The following SH3RF3 variants were observed in gnomAD, a reference collection of about 807,000 sequenced individuals.
The protein encoded by SH3RF3 is E3 ubiquitin-protein ligase SH3RF3.
SH3RF3 carries 29 observed loss-of-function variants against 66.3 expected under a neutral mutation model. That is an observed-to-expected ratio of 0.44 (90% CI 0.33 to 0.60). The LOEUF is 0.60. Ranked by LOEUF, SH3RF3 falls within the 20% of genes least tolerant of loss-of-function variation. SH3RF3 has a pLI of 0.04. For missense variants in SH3RF3, 1,194 were observed against 1,190.9 expected (o/e 1.00, Z -0.04); for synonymous variants, 583 against 532.0 (o/e 1.10, Z -1.32).
At chr2:109,247,206 G>C (rs897748283) in intron 1 of SH3RF3, among the ~76,000 whole-genome samples, 2 of 152,210 alleles carry the variant, frequency 1.3e-5, no homozygotes, top group Non-Finnish European at 2.9e-5. Context: ...AGAACAGAAT[G>C]AAGTCACACC....
chr2:109,174,175 C>T (rs1336791452), intron 1 of SH3RF3, among the ~76,000 whole-genome samples: 1 of 152,202 alleles, frequency 6.6e-6, no homozygotes, highest in Non-Finnish European at 1.5e-5. Context: ...TTGTGGAGTT[C>T]ATGAAGGTAG....
At chr2:109,131,522 A>G (rs1232878930) in intron 1 of SH3RF3, among the ~76,000 whole-genome samples, 1 of 152,176 alleles carries the variant, frequency 6.6e-6, no homozygotes, top group Admixed American at 6.5e-5. Flanking sequence ...CCCCGCTTCT[A>G]GTAAAACGCT....
intron 1 of SH3RF3, among the ~76,000 whole-genome samples, chr2:109,168,692 T>C (rs576746183): frequency 1.0e-3 from 155 of 152,236 alleles, no homozygotes; most frequent in African/African-American, 3.6e-3. Context: ...TTCCCTTCTC[T>C]TGGGTCTGTT....
intron 8 of SH3RF3, among the ~76,000 whole-genome samples, chr2:109,469,286 A>G (rs1008144834): frequency 6.6e-6 from 1 of 152,200 alleles, no homozygotes; most frequent in Admixed American, 6.5e-5. Context: ...CCCTAAAGAC[A>G]CCACCTCACT....
chr2:109,186,679 T>A (rs758352023), intron 1 of SH3RF3, among the ~76,000 whole-genome samples: 2 of 152,218 alleles, frequency 1.3e-5, no homozygotes, highest in Non-Finnish European at 2.9e-5. Context: ...AAATGCATCT[T>A]ACTAGCTTTT....
At position 109,504,421 on chromosome 2, in the gene SH3RF3, A is replaced by T. The variant is rs141812010; in HGVS notation, c.*2750A>T. The T allele has an allele frequency of 1.4e-4, 21 of 152,394 alleles. No individual in the cohort carries two copies. Among genetic ancestry groups the T allele is most frequent in the African/African-American group, 4.3e-4 (18 of 41,586 alleles). 9.4% of individuals were successfully genotyped at this position (152,394 alleles called of 1,614,324 possible). A position where few individuals can be genotyped will look rare whatever the true frequency, so the allele number is the denominator to read the frequency against. On this transcript the variant is annotated 3_prime_UTR_variant, in exon 10 of 10. Transcript: ENST00000309415. ...CCACGGGTGCTCTCCTGGCATCCTC[A>T]TGGGGTGATGCCAGGCCGGGCACTT...
chr2:109,321,584 G>A (rs1682027393), intron 1 of SH3RF3, among the ~76,000 whole-genome samples: 1 of 152,218 alleles, frequency 6.6e-6, no homozygotes, highest in South Asian at 2.1e-4. Flanking sequence ...CAGGAGATGA[G>A]ACAATCAATA....
chr2:109,134,431 G>C (rs1331028653), intron 1 of SH3RF3, among the ~76,000 whole-genome samples: 2 of 152,180 alleles, frequency 1.3e-5, no homozygotes. Context: ...GTCCTGTTCA[G>C]AAGGCCCCTG....
chr2:109,222,490 C>G (rs1335646058), intron 1 of SH3RF3, among the ~76,000 whole-genome samples: 1 of 143,228 alleles, frequency 7.0e-6, no homozygotes, highest in African/African-American at 2.9e-5. Context: ...AAAGTTCCTC[C>G]AAAAAAATAA....
chr2:109,361,202 T>C (rs1027823355), intron 2 of SH3RF3, among the ~76,000 whole-genome samples: 5 of 152,238 alleles, frequency 3.3e-5, no homozygotes, highest in Non-Finnish European at 5.9e-5. Flanking sequence ...ATAATTCTTT[T>C]TATACCTTGT....
intron 9 of SH3RF3, among the ~76,000 whole-genome samples, chr2:109,497,680 A>C (rs540237087): frequency 1.2e-4 from 18 of 152,210 alleles, no homozygotes; most frequent in Non-Finnish European, 2.5e-4. Flanking sequence ...AGAACAGCTC[A>C]GAGTCTTGGA....
chr2:109,485,778 T>C (rs377587589), intron 8 of SH3RF3, among the ~76,000 whole-genome samples: 3 of 152,372 alleles, frequency 2.0e-5, no homozygotes, highest in East Asian at 3.9e-4. Context: ...TCATAAGCTC[T>C]CCCTTCTGTA....
chr2:109,164,511 C>T lies in SH3RF3; in HGVS notation c.573+34398C>T, dbSNP rs1052968096. Among the ~76,000 whole-genome samples, 18 of 152,278 alleles carry T rather than the reference C, an allele frequency of 1.2e-4. 1 individual carries two copies. In the South Asian group the frequency reaches 3.1e-3, roughly 26 times the overall value. On this transcript the variant is annotated intron_variant, in intron 1 of 9. Coordinates refer to ENST00000309415, the MANE Select transcript of SH3RF3 (RefSeq NM_001099289.3). ...ATTTAATTTTATTTTTCTGTAGACT[C>T]TTCGGCCAAGCCTGGCTGTTTCCCA...
intron 1 of SH3RF3, among the ~76,000 whole-genome samples, chr2:109,169,149 G>A (rs934628781): frequency 2.6e-5 from 4 of 152,148 alleles, no homozygotes; most frequent in Admixed American, 6.5e-5. Flanking sequence ...CCCACATCTC[G>A]TCATATGTAC....
At chr2:109,434,530 C>T (rs1041904865) in intron 6 of SH3RF3, among the ~76,000 whole-genome samples, 6 of 152,206 alleles carry the variant, frequency 3.9e-5, no homozygotes, top group Admixed American at 1.3e-4. Context: ...CTCTCTTAGG[C>T]GCCTCCCACC....
Position 109,437,126 on chromosome 2 carries a change from C to T in SH3RF3, c.1808C>T (p.Ala603Val). 2 of 1,611,816 alleles carry T rather than the reference C, an allele frequency of 1.2e-6. No individual in the cohort carries two copies. Among genetic ancestry groups the T allele is most frequent in the East Asian group, 2.2e-5 (1 of 44,824 alleles). Residue 603 changes from alanine to valine, a missense_variant, in exon 7 of 10, where the codon GCC becomes GTC. By Grantham distance (64) the Ala-to-Val change is moderately conservative. Coordinates refer to ENST00000309415, the MANE Select transcript of SH3RF3 (RefSeq NM_001099289.3). ...RHSAQPTASQ[A>V]RSTISTAAHS... ...TCAGCCCAGCCAACGGCCAGCCAAG[C>T]CCGGAGCACCATTTCAACAGGTACC... is the stretch of plus-strand genomic sequence containing the variant.
At chr2:109,376,474 C>T (rs547292487) in intron 3 of SH3RF3, among the ~76,000 whole-genome samples, 3 of 152,268 alleles carry the variant, frequency 2.0e-5, no homozygotes, top group African/African-American at 2.4e-5. Flanking sequence ...TTAGCAAATA[C>T]GCCAGTGATT....
At chr2:109,473,288 C>A (rs1300443389) in intron 8 of SH3RF3, among the ~76,000 whole-genome samples, 1 of 152,210 alleles carries the variant, frequency 6.6e-6, no homozygotes, top group Non-Finnish European at 1.5e-5. Flanking sequence ...TTGGGCCCTG[C>A]AGAGCCAGAG....
intron 2 of SH3RF3, 118 bp downstream of exon 2, chr2:109,348,067 C>G (rs1341915034): frequency 4.4e-6 from 6 of 1,352,732 alleles, no homozygotes; most frequent in Non-Finnish European, 4.9e-6. Context: ...AATCCTGGCT[C>G]CTCCCGGAAC....
Sources: allele counts gnomAD v4.1 joint callset (sites outside exome capture counted in the v4.1 genomes callset), GRCh38; gene constraint gnomAD v4.1.1; transcripts MANE v1.5; gene names NCBI Gene and HGNC (gene_info 2026-07-23, HGNC 2026-07-21).